CSMD1: variants seen among roughly 807,000 people sequenced by gnomAD.
CSMD1 encodes the protein CUB and sushi domain-containing protein 1.
In CSMD1, 213 loss-of-function variants were observed where a neutral mutation model predicts 417.5. The observed-to-expected ratio is 0.51, with a 90% CI of 0.46 to 0.57. The LOEUF (loss-of-function observed/expected upper bound fraction) is 0.57, where lower values mean the gene tolerates loss of function less well. CSMD1 is among the 20% of genes least tolerant of loss of function. The probability of loss-of-function intolerance (pLI) is 0.00; values close to 1 mark genes in which losing one functional copy is unlikely to be tolerated. For synonymous variants in CSMD1, 2,862 were observed against 1,736.8 expected, an observed-to-expected ratio of 1.65 and a Z score of -16.11; for missense variants, 6,923 against 4,529.7, an observed-to-expected ratio of 1.53 and a Z score of -15.17.
rs1649117019 is a variant in CSMD1 at position 3,065,310 on chromosome 8, G to GATAA, written c.7475-12664_7475-12663insTTAT. 2.0e-5 allele frequency among the ~76,000 whole-genome samples: 3 copies of GATAA among 149,754 alleles called. No homozygotes were observed. In the South Asian group the frequency reaches 6.2e-4, roughly 31 times the overall value. On this transcript the variant is annotated intron_variant, in intron 49 of 69. Coordinates refer to ENST00000635120, the MANE Select transcript of CSMD1 (RefSeq NM_033225.6). ...AGATAGATAGATAGATAGGTAGATA[G>GATAA]ATAGATAGACAGACAGACAACAGAT... is the stretch of plus-strand genomic sequence containing the variant.
At chr8:4,640,575 C>T (rs760978201) in intron 1 of CSMD1, among the ~76,000 whole-genome samples, 2 of 152,122 alleles carry the variant, frequency 1.3e-5, no homozygotes, top group Non-Finnish European at 2.9e-5. Flanking sequence ...ATATTCTATA[C>T]ATGTTTTCTT....
intron 26 of CSMD1, among the ~76,000 whole-genome samples, chr8:3,252,367 T>C (rs1474233043): frequency 3.3e-5 from 5 of 152,356 alleles, no homozygotes; most frequent in South Asian, 2.1e-4. Flanking sequence ...ATTACATTTA[T>C]TGATTTGCAT....
At chr8:3,108,164 G>C (rs1234454877) in intron 44 of CSMD1, among the ~76,000 whole-genome samples, 1 of 152,186 alleles carries the variant, frequency 6.6e-6, no homozygotes, top group African/African-American at 2.4e-5. Context: ...GAGGAATTCT[G>C]TAGGTGGCAG....
intron 12 of CSMD1, among the ~76,000 whole-genome samples, chr8:3,457,404 T>G (rs1170531119): frequency 6.6e-6 from 1 of 152,218 alleles, no homozygotes; most frequent in Admixed American, 6.5e-5. Flanking sequence ...AAACTTTCTT[T>G]CTGCTCACTC....
At chr8:3,638,152 T>C (rs1797137097) in intron 7 of CSMD1, among the ~76,000 whole-genome samples, 1 of 152,172 alleles carries the variant, frequency 6.6e-6, no homozygotes, top group Non-Finnish European at 1.5e-5. Context: ...CTCCTGCCCC[T>C]CACTGATGTT....
At chr8:3,245,385 A>G (rs1162480791) in intron 26 of CSMD1, among the ~76,000 whole-genome samples, 1 of 152,190 alleles carries the variant, frequency 6.6e-6, no homozygotes, top group Non-Finnish European at 1.5e-5. Context: ...GCAGGAGATA[A>G]AGGACCAGAC....
chr8:4,033,213 G>A (rs1797444371), intron 3 of CSMD1, among the ~76,000 whole-genome samples: 1 of 150,766 alleles, frequency 6.6e-6, no homozygotes, highest in Non-Finnish European at 1.5e-5. Context: ...GGCCGAGGCA[G>A]GAGGATCGTG....
chr8:3,602,237 G>T (rs984207042), intron 8 of CSMD1, among the ~76,000 whole-genome samples: 1 of 151,990 alleles, frequency 6.6e-6, no homozygotes, highest in African/African-American at 2.4e-5. Flanking sequence ...CAGAACCTTC[G>T]GGGTAACTGG....
chr8:3,256,808 C>A (rs1800690211), intron 26 of CSMD1, among the ~76,000 whole-genome samples: 1 of 152,192 alleles, frequency 6.6e-6, no homozygotes, highest in South Asian at 2.1e-4. Flanking sequence ...CTTGTAAGAA[C>A]ACTCTGAGTC....
rs568060984 is a variant in CSMD1 at position 3,687,675 on chromosome 8, C to A, written c.1009+20739G>T. On this transcript the variant is annotated intron_variant, in intron 7 of 69. Transcript: ENST00000635120. ...TGAGTGGCGCACGCTAGGACCGAGGCTCCCTGAGCCCCACCGTGCTAACTG... is the reference window on the plus strand; with the variant it reads ...TGAGTGGCGCACGCTAGGACCGAGGATCCCTGAGCCCCACCGTGCTAACTG... 1.5e-4 allele frequency among the ~76,000 whole-genome samples: 23 copies of A among 152,308 alleles called. No homozygotes were observed. In the East Asian group the frequency reaches 4.4e-3, roughly 29 times the overall value.
chr8:3,861,130 C>G (rs1197257975), intron 5 of CSMD1, among the ~76,000 whole-genome samples: 1 of 152,112 alleles, frequency 6.6e-6, no homozygotes, highest in East Asian at 1.9e-4. Flanking sequence ...CTATCATATG[C>G]CAAAAACACA....
At chr8:3,222,647 G>A (rs1409741695) in intron 28 of CSMD1, among the ~76,000 whole-genome samples, 1 of 152,090 alleles carries the variant, frequency 6.6e-6, no homozygotes, top group Non-Finnish European at 1.5e-5. Context: ...GAAACCAGAG[G>A]TGCCTCCTAA....
At chr8:3,200,817 C>T (rs974567356) in intron 32 of CSMD1, among the ~76,000 whole-genome samples, 1 of 151,926 alleles carries the variant, frequency 6.6e-6, no homozygotes, top group Non-Finnish European at 1.5e-5. Flanking sequence ...ATAGAGAAAA[C>T]CTGGAAATAT....
chr8:4,894,352 T>C (rs1458322221), intron 1 of CSMD1, among the ~76,000 whole-genome samples: 1 of 152,044 alleles, frequency 6.6e-6, no homozygotes, highest in African/African-American at 2.4e-5. Flanking sequence ...TGCTTGTAGA[T>C]TCTTAAAAAC....
intron 49 of CSMD1, among the ~76,000 whole-genome samples, chr8:3,084,288 C>G (rs1284169248): frequency 6.6e-6 from 1 of 152,022 alleles, no homozygotes; most frequent in Non-Finnish European, 1.5e-5. Context: ...CTTTGGGAGG[C>G]TGAGGCAGGA....
chr8:4,002,427 G>C (rs569243501), intron 4 of CSMD1, among the ~76,000 whole-genome samples: 61 of 152,176 alleles, frequency 4.0e-4, no homozygotes, highest in Admixed American at 2.1e-3. Flanking sequence ...TGTTTGATGA[G>C]CAAAACATTT....
Position 3,926,231 on chromosome 8 carries a change from C to T in CSMD1, c.818+71672G>A, listed in dbSNP as rs529496677. Among the ~76,000 whole-genome samples, 6 of 152,232 alleles carry T rather than the reference C, an allele frequency of 3.9e-5. No individual in the cohort carries two copies. The East Asian group carries it at 9.7e-4, about 25-fold the overall frequency. ...AATAACGTATGTTGATTTATTTCCT[C>T]TTTTATGTGTTAATGGTAAAATCAC... On this transcript the variant is annotated intron_variant, in intron 5 of 69. Coordinates refer to ENST00000635120, the MANE Select transcript of CSMD1 (RefSeq NM_033225.6).
At chr8:3,689,011 C>T (rs1027447995) in intron 7 of CSMD1, among the ~76,000 whole-genome samples, 1 of 152,088 alleles carries the variant, frequency 6.6e-6, no homozygotes, top group African/African-American at 2.4e-5. Context: ...GAGTTATGTA[C>T]AATATTCTGA....
rs369174154 is a variant in CSMD1 at position 4,270,648 on chromosome 8, G to T, written c.415+149305C>A. ...GAATTAAACCTGCCCCTCAAATGAA[G>T]ATCGCGTGTCTGCCAATGTAGCTCC... On this transcript the variant is annotated intron_variant, in intron 3 of 69. Transcript: ENST00000635120. Among the ~76,000 whole-genome samples the T allele has an allele frequency of 2.6e-5, 4 of 152,274 alleles. No homozygotes were observed. The East Asian group carries it at 7.7e-4, about 29-fold the overall frequency.
Sources: gnomAD v4.1 joint callset for allele counts (sites outside exome capture counted in the v4.1 genomes callset) on GRCh38, gnomAD v4.1.1 for gene constraint, MANE v1.5 for transcripts, NCBI Gene and HGNC (gene_info 2026-07-23, HGNC 2026-07-21) for gene names.